Variants in BICC1 observed in about 807,000 individuals in gnomAD.
BICC1 encodes the protein BicC family RNA binding protein 1.
BICC1 carries 43 observed loss-of-function variants against 111.0 expected under a neutral mutation model. That is an observed-to-expected ratio of 0.39 (90% CI 0.30 to 0.50). The LOEUF (loss-of-function observed/expected upper bound fraction) is 0.50. BICC1 is among the 20% of genes least tolerant of loss of function. The pLI is 0.88. For missense variants in BICC1, 1,091 were observed against 1,203.2 expected (o/e 0.91, Z 1.38); for synonymous variants, 467 against 434.4 (o/e 1.07, Z -0.93).
At chr10:58,550,375 G>A (rs115762565) in intron 1 of BICC1, among the ~76,000 whole-genome samples, 391 of 152,094 alleles carry the variant, frequency 2.6e-3, no homozygotes, top group African/African-American at 9.2e-3. Flanking sequence ...TATTTTCTCC[G>A]AATCTTTGGT....
At chr10:58,816,540 G>A (rs987235202) in intron 18 of BICC1, among the ~76,000 whole-genome samples, 8 of 152,132 alleles carry the variant, frequency 5.3e-5, no homozygotes, top group Admixed American at 5.2e-4. Flanking sequence ...TGCAGAACAA[G>A]ATTCCTAGAT....
At chr10:58,602,944 C>G (rs1221516621) in intron 1 of BICC1, among the ~76,000 whole-genome samples, 1 of 152,142 alleles carries the variant, frequency 6.6e-6, no homozygotes, top group Non-Finnish European at 1.5e-5. Flanking sequence ...AGAAAATCCT[C>G]CAGTTCCACT....
chr10:58,586,451 G>A (rs1844428297), intron 1 of BICC1, among the ~76,000 whole-genome samples: 2 of 149,388 alleles, frequency 1.3e-5, no homozygotes. Flanking sequence ...AATACAAAGT[G>A]AATAAGATTC....
intron 3 of BICC1, among the ~76,000 whole-genome samples, chr10:58,752,888 A>G (rs1842029248): frequency 6.6e-6 from 1 of 152,128 alleles, no homozygotes; most frequent in South Asian, 2.1e-4. Flanking sequence ...GGCTGGTTCC[A>G]TTGACTGATG....
At chr10:58,668,009 C>A (rs917753275) in intron 2 of BICC1, among the ~76,000 whole-genome samples, 1 of 152,002 alleles carries the variant, frequency 6.6e-6, no homozygotes, top group Non-Finnish European at 1.5e-5. Flanking sequence ...TCTTGGCTTA[C>A]TGTAAATTTT....
chr10:58,518,134 A>G (rs547548795), intron 1 of BICC1, among the ~76,000 whole-genome samples: 1 of 152,218 alleles, frequency 6.6e-6, no homozygotes, highest in East Asian at 1.9e-4. Context: ...CACCCTTTTT[A>G]GTTGTAAATT....
chr10:58,762,341 A>T lies in BICC1; in HGVS notation c.308-22660A>T, dbSNP rs538520111. On this transcript the variant is annotated intron_variant, in intron 3 of 20. Coordinates refer to ENST00000373886, the MANE Select transcript of BICC1 (RefSeq NM_001080512.3). ...GAGAACTGATTTGCAGATAAGCTTT[A>T]TGGGAATGTCTGTGAAATATTGGAG... is the stretch of plus-strand genomic sequence containing the variant. Among the ~76,000 whole-genome samples, 156 of 152,326 alleles carry T rather than the reference A, an allele frequency of 1.0e-3. 1 individual carries two copies. Among genetic ancestry groups the T allele is most frequent in the African/African-American group, 3.6e-3 (150 of 41,580 alleles).
intron 1 of BICC1, among the ~76,000 whole-genome samples, chr10:58,513,759 C>A (rs1460982383): frequency 6.6e-6 from 1 of 152,204 alleles, no homozygotes; most frequent in Non-Finnish European, 1.5e-5. Context: ...CACTCTCTCC[C>A]CTTGTCAGTA....
Position 58,513,103 on chromosome 10 carries a change from AGCG to A in BICC1, c.-32_-30del. 6 of 1,344,080 alleles carry A rather than the reference AGCG, an allele frequency of 4.5e-6. No individual in the cohort carries two copies. The highest frequency in any genetic ancestry group is 3.1e-5 in the East Asian group (1 of 31,928). The allele number at this position is 1,344,080 out of a possible 1,614,324, so 83.3% of individuals were successfully genotyped here. On this transcript the variant is annotated 5_prime_UTR_variant, in exon 1 of 21. Transcript: ENST00000373886. ...CGAGCGGAGGCGGCAGCGCAGGCAGAGCGGCGGCGGCAGCGGGAGCCCGAGCGC... is the reference window on the plus strand; with the variant it reads ...CGAGCGGAGGCGGCAGCGCAGGCAGAGCGGCGGCAGCGGGAGCCCGAGCGC...
intron 2 of BICC1, among the ~76,000 whole-genome samples, chr10:58,660,956 C>G (rs1838824051): frequency 6.6e-6 from 1 of 152,192 alleles, no homozygotes; most frequent in South Asian, 2.1e-4. Flanking sequence ...ATCAGCTTCT[C>G]TTTTTATAAT....
intron 3 of BICC1, among the ~76,000 whole-genome samples, chr10:58,739,757 A>G (rs1219327172): frequency 1.3e-5 from 2 of 152,168 alleles, no homozygotes; most frequent in Non-Finnish European, 2.9e-5. Context: ...CTTCCTCTAG[A>G]AAATTGGTAG....
At chr10:58,613,288 G>C (rs1019290380) in intron 1 of BICC1, among the ~76,000 whole-genome samples, 1 of 152,096 alleles carries the variant, frequency 6.6e-6, no homozygotes, top group Non-Finnish European at 1.5e-5. Flanking sequence ...TCAGGCAGAC[G>C]TTATATTGTA....
chr10:58,667,590 C>A (rs1429744712), intron 2 of BICC1, among the ~76,000 whole-genome samples: 1 of 151,726 alleles, frequency 6.6e-6, no homozygotes, highest in Non-Finnish European at 1.5e-5. Flanking sequence ...TTAAACCATT[C>A]TGTGGAATTA....
chr10:58,626,567 G>T (rs774798045), intron 2 of BICC1, among the ~76,000 whole-genome samples: 6 of 152,108 alleles, frequency 3.9e-5, no homozygotes, highest in Non-Finnish European at 7.4e-5. Flanking sequence ...CAAGTAATTT[G>T]CTCATCATTC....
intron 1 of BICC1, among the ~76,000 whole-genome samples, chr10:58,597,692 C>A (rs1422917380): frequency 6.6e-6 from 1 of 152,034 alleles, no homozygotes; most frequent in African/African-American, 2.4e-5. Context: ...GACCTCCCCC[C>A]AGGAATGCAT....
At chr10:58,820,084 A>G (rs1844210816) in intron 19 of BICC1, among the ~76,000 whole-genome samples, 1 of 152,160 alleles carries the variant, frequency 6.6e-6, no homozygotes. Context: ...TTCTCTGAAC[A>G]GATAATGCTC....
chr10:58,542,328 G>A (rs1843013234), intron 1 of BICC1, among the ~76,000 whole-genome samples: 1 of 151,836 alleles, frequency 6.6e-6, no homozygotes, highest in Non-Finnish European at 1.5e-5. Context: ...CTGGATATTG[G>A]CATGCAGAAG....
chr10:58,804,512 T>C (rs1376293252), intron 15 of BICC1, among the ~76,000 whole-genome samples: 3 of 152,166 alleles, frequency 2.0e-5, no homozygotes, highest in African/African-American at 7.2e-5. Flanking sequence ...AGCGAGACCC[T>C]GTCTCAAAAA....
At chr10:58,528,847 T>C (rs1442776871) in intron 1 of BICC1, among the ~76,000 whole-genome samples, 1 of 151,860 alleles carries the variant, frequency 6.6e-6, no homozygotes, top group Non-Finnish European at 1.5e-5. Flanking sequence ...AGAAGCTGAG[T>C]TGGTTCTCCA....
Sources: allele counts gnomAD v4.1 joint callset (sites outside exome capture counted in the v4.1 genomes callset), GRCh38; gene constraint gnomAD v4.1.1; transcripts MANE v1.5; gene names NCBI Gene and HGNC (gene_info 2026-07-23, HGNC 2026-07-21).